MYO1D: variants seen among roughly 807,000 people sequenced by gnomAD.
The protein encoded by MYO1D is myosin ID.
In MYO1D, 83 loss-of-function variants were observed where a neutral mutation model predicts 122.0. The observed-to-expected ratio is 0.68, with a 90% CI of 0.57 to 0.82. The LOEUF is 0.82. MYO1D is among the 40% of genes least tolerant of loss of function. MYO1D has a pLI of 0.00. For missense variants in MYO1D, 1,157 were observed against 1,269.5 expected (o/e 0.91, Z 1.35); for synonymous variants, 464 against 446.9 (o/e 1.04, Z -0.48).
chr17:32,876,363 G>C (rs1260551755), intron 1 of MYO1D, among the ~76,000 whole-genome samples: 1 of 152,170 alleles, frequency 6.6e-6, no homozygotes, highest in African/African-American at 2.4e-5. Context: ...TAATCCTCCA[G>C]TCCTCCTAGG....
chr17:32,740,990 GAC>G (rs1170640272), intron 13 of MYO1D, among the ~76,000 whole-genome samples: 1 of 151,920 alleles, frequency 6.6e-6, no homozygotes, highest in Non-Finnish European at 1.5e-5. Context: ...CACAGACACA[GAC>G]ACACACATAC....
intron 5 of MYO1D, among the ~76,000 whole-genome samples, chr17:32,771,854 G>A (rs1386261946): frequency 6.6e-6 from 1 of 152,148 alleles, no homozygotes; most frequent in African/African-American, 2.4e-5. Flanking sequence ...TTTAAAACAT[G>A]GCAAATTGCC....
At chr17:32,639,716 G>A (rs975884999) in intron 19 of MYO1D, among the ~76,000 whole-genome samples, 2 of 151,900 alleles carry the variant, frequency 1.3e-5, no homozygotes, top group Non-Finnish European at 2.9e-5. Flanking sequence ...ACTAATCAAC[G>A]TACCTAGCAC....
At chr17:32,803,912 G>A (rs1254897256) in intron 1 of MYO1D, among the ~76,000 whole-genome samples, 1 of 152,136 alleles carries the variant, frequency 6.6e-6, no homozygotes, top group Non-Finnish European at 1.5e-5. Flanking sequence ...AGAGAACAAA[G>A]ACTTTTGTTT....
At chr17:32,682,819 T>G (rs1224185327) in intron 16 of MYO1D, among the ~76,000 whole-genome samples, 1 of 119,534 alleles carries the variant, frequency 8.4e-6, no homozygotes, top group Non-Finnish European at 1.7e-5. Context: ...GGGGAAGTTC[T>G]CCTGGATAAT....
chr17:32,557,744 A>G (rs2087081236), intron 21 of MYO1D, among the ~76,000 whole-genome samples: 1 of 152,034 alleles, frequency 6.6e-6, no homozygotes, highest in Non-Finnish European at 1.5e-5. Flanking sequence ...TAAATATTTC[A>G]GCTTTGCAGG....
At chr17:32,660,231 C>T (rs1028630108) in intron 16 of MYO1D, among the ~76,000 whole-genome samples, 3 of 152,172 alleles carry the variant, frequency 2.0e-5, no homozygotes, top group Non-Finnish European at 4.4e-5. Context: ...GTACACATCG[C>T]CATCATGCCC....
chr17:32,860,910 T>C (rs2091067459), intron 1 of MYO1D, among the ~76,000 whole-genome samples: 1 of 152,154 alleles, frequency 6.6e-6, no homozygotes, highest in Admixed American at 6.5e-5. Flanking sequence ...AAGCATAAAA[T>C]GAAGAAAAGT....
At chr17:32,623,657 A>AC (rs1039228128) in intron 20 of MYO1D, among the ~76,000 whole-genome samples, 3 of 152,198 alleles carry the variant, frequency 2.0e-5, no homozygotes, top group Admixed American at 6.5e-5. Context: ...TCTAGAAAAC[A>AC]CACACTCTCT....
chr17:32,678,837 G>A (rs1375567880), intron 16 of MYO1D, among the ~76,000 whole-genome samples: 1 of 151,118 alleles, frequency 6.6e-6, no homozygotes, highest in Non-Finnish European at 1.5e-5. Flanking sequence ...TTGCCACACT[G>A]ACTTCCACAA....
chr17:32,524,464 C>A (rs1033565761), intron 21 of MYO1D, among the ~76,000 whole-genome samples: 2 of 152,146 alleles, frequency 1.3e-5, no homozygotes, highest in Non-Finnish European at 2.9e-5. Flanking sequence ...ACCATCATAG[C>A]TCACTGCAGC....
rs2090176802 is a variant in MYO1D at position 32,776,856 on chromosome 17, CCTT to C, written c.399-830_399-828del. ...ATACATTTTAAACTTCATGCTATATCCTTGTTTTCATTCCACTGATAAAATTCT... is the reference window on the plus strand; with the variant it reads ...ATACATTTTAAACTTCATGCTATATCGTTTTCATTCCACTGATAAAATTCT... On this transcript the variant is annotated intron_variant, in intron 3 of 21. Coordinates refer to ENST00000318217, the MANE Select transcript of MYO1D (RefSeq NM_015194.3). Among the ~76,000 whole-genome samples the C allele has an allele frequency of 2.6e-5, 4 of 152,156 alleles. No individual in the cohort carries two copies. In the South Asian group the frequency reaches 8.3e-4, roughly 32 times the overall value.
rs76335642 is a variant in MYO1D at position 32,760,965 on chromosome 17, A to C, written c.1036-338T>G. Reference sequence around the variant, plus strand: ...AGTTCATTGCTTTATTATTAATTTCATCAACTATAAAGAGTTGAGAGCTAG... The same window carrying C: ...AGTTCATTGCTTTATTATTAATTTCCTCAACTATAAAGAGTTGAGAGCTAG... On this transcript the variant is annotated intron_variant, in intron 8 of 21. Transcript: ENST00000318217. 8.2e-3 allele frequency among the ~76,000 whole-genome samples: 1,253 copies of C among 152,322 alleles called. 7 individuals are homozygous for C. The highest frequency in any genetic ancestry group is 0.041 in the Middle Eastern group (12 of 294).
At chr17:32,632,380 C>A (rs1425639556) in intron 20 of MYO1D, 1 of 151,940 alleles carries the variant, frequency 6.6e-6, no homozygotes, top group East Asian at 1.9e-4. Context: ...ACATAAAATG[C>A]AGACTTCTGA....
intron 17 of MYO1D, among the ~76,000 whole-genome samples, chr17:32,656,542 A>G (rs930624452): frequency 2.6e-5 from 4 of 152,242 alleles, no homozygotes; most frequent in Admixed American, 6.5e-5. Flanking sequence ...TGTTCCCTGC[A>G]CATGGAATGG....
chr17:32,543,984 G>A (rs2150880222), intron 21 of MYO1D, among the ~76,000 whole-genome samples: 1 of 152,124 alleles, frequency 6.6e-6, no homozygotes, highest in South Asian at 2.1e-4. Flanking sequence ...GTAGAGACGG[G>A]GTTTCACTAT....
intron 19 of MYO1D, among the ~76,000 whole-genome samples, chr17:32,639,419 A>G (rs1314869226): frequency 1.4e-5 from 2 of 146,966 alleles, no homozygotes; most frequent in Non-Finnish European, 3.0e-5. Flanking sequence ...GTAGAATGCT[A>G]CTTTATTAGA....
chr17:32,678,991 G>T (rs1388526302), intron 16 of MYO1D, among the ~76,000 whole-genome samples: 1 of 149,368 alleles, frequency 6.7e-6, no homozygotes, highest in Non-Finnish European at 1.5e-5. Flanking sequence ...GTTTTGATTT[G>T]CATTTCTCTG....
intron 11 of MYO1D, among the ~76,000 whole-genome samples, chr17:32,750,564 G>A (rs1316143478): frequency 6.6e-6 from 1 of 152,032 alleles, no homozygotes; most frequent in Non-Finnish European, 1.5e-5. Context: ...GTAGTGAGCC[G>A]AGATCATGCC....
Sources: gnomAD v4.1 joint callset for allele counts (sites outside exome capture counted in the v4.1 genomes callset) on GRCh38, gnomAD v4.1.1 for gene constraint, MANE v1.5 for transcripts, NCBI Gene and HGNC (gene_info 2026-07-23, HGNC 2026-07-21) for gene names.